Variants in KANSL1L observed in about 807,000 individuals in gnomAD.
The protein encoded by KANSL1L is KAT8 regulatory NSL complex subunit 1-like protein.
A neutral mutation model predicts 108.6 loss-of-function variants in KANSL1L; 25 were observed. The observed-to-expected ratio is 0.23, with a 90% CI of 0.17 to 0.32. The LOEUF is 0.32. Ranked by LOEUF, KANSL1L falls within the 10% of genes least tolerant of loss-of-function variation. The probability of loss-of-function intolerance (pLI) is 1.00; values close to 1 mark genes in which losing one functional copy is unlikely to be tolerated. For synonymous variants in KANSL1L, 405 were observed against 395.1 expected (o/e 1.03, Z -0.30); for missense variants, 1,137 against 1,125.7 (o/e 1.01, Z -0.14).
rs376863654 is a variant in KANSL1L at position 210,151,910 on chromosome 2, T to C, written c.1088+1585A>G. The C allele has an allele frequency of 1.5e-4, 23 of 152,364 alleles. No individual in the cohort carries two copies. In the East Asian group the frequency reaches 1.7e-3, roughly 11 times the overall value. The allele number at this position is 152,364 out of a possible 1,614,324, so 9.4% of individuals were successfully genotyped here. A position where few individuals can be genotyped will look rare whatever the true frequency, so the allele number is the denominator to read the frequency against. ...ACTAATATACTGATCTTCTATTTCA[T>C]AGTAAATATCAATGTGTTTGGCTTC... On this transcript the variant is annotated intron_variant, in intron 2 of 14. Transcript: ENST00000281772.
chr2:210,148,946 A>G (rs2095283860), intron 2 of KANSL1L, among the ~76,000 whole-genome samples: 1 of 152,116 alleles, frequency 6.6e-6, no homozygotes, highest in Admixed American at 6.6e-5. Context: ...TTACTTATCA[A>G]CTTTAAAAAT....
At chr2:210,032,577 C>G (rs1405154961) in intron 8 of KANSL1L, 1 of 152,224 alleles carries the variant, frequency 6.6e-6, no homozygotes, top group Non-Finnish European at 1.5e-5. Flanking sequence ...CTCAGTCAGA[C>G]TAACAGAATC....
intron 5 of KANSL1L, among the ~76,000 whole-genome samples, chr2:210,084,248 C>T (rs947687194): frequency 2.6e-5 from 4 of 152,038 alleles, no homozygotes; most frequent in Non-Finnish European, 5.9e-5. Flanking sequence ...ATGGTGAAAC[C>T]CCGTCTCTAC....
intron 4 of KANSL1L, among the ~76,000 whole-genome samples, chr2:210,100,531 AT>A (rs2094783527): frequency 6.6e-6 from 1 of 152,222 alleles, no homozygotes; most frequent in Non-Finnish European, 1.5e-5. Flanking sequence ...AAGCCAAAAG[AT>A]TATGAGTGAA....
chr2:210,162,102 T>C (rs2095364543), intron 1 of KANSL1L, among the ~76,000 whole-genome samples: 2 of 148,036 alleles, frequency 1.4e-5, no homozygotes. Context: ...CACACACACA[T>C]ATATTTTTAT....
At chr2:210,026,511 A>T (rs1051891187) in intron 12 of KANSL1L, 1 of 152,242 alleles carries the variant, frequency 6.6e-6, no homozygotes, top group Admixed American at 6.5e-5. Flanking sequence ...TTCACTACAG[A>T]AACATTAATG....
chr2:210,129,489 A>G (rs1205483555), intron 2 of KANSL1L, among the ~76,000 whole-genome samples: 1 of 152,194 alleles, frequency 6.6e-6, no homozygotes, highest in Admixed American at 6.5e-5. Context: ...AACATGAATG[A>G]CAATGCAAAC....
Position 210,043,936 on chromosome 2 carries a change from T to A in KANSL1L, c.1921+3A>T. On this transcript the variant is annotated splice_donor_region_variant and intron_variant, in intron 7 of 14. Coordinates refer to ENST00000281772, the MANE Select transcript of KANSL1L (RefSeq NM_152519.4). Reference sequence around the variant, plus strand: ...ACTTAGAAATTGTTACAAGGAGGCTTACCTGATGGCAATGATAGAACAGAA... The same window carrying A: ...ACTTAGAAATTGTTACAAGGAGGCTAACCTGATGGCAATGATAGAACAGAA... 6.3e-7 allele frequency: 1 copy of A among 1,575,888 alleles called. No homozygotes were observed. The highest frequency in any genetic ancestry group is 8.6e-7 in the Non-Finnish European group (1 of 1,159,960).
intron 2 of KANSL1L, among the ~76,000 whole-genome samples, chr2:210,147,957 T>C (rs2095277100): frequency 6.6e-6 from 1 of 152,196 alleles, no homozygotes; most frequent in Admixed American, 6.5e-5. Context: ...TTAATTATTT[T>C]CTATTTTTTA....
At chr2:210,124,777 A>T (rs1019606461) in intron 3 of KANSL1L, among the ~76,000 whole-genome samples, 31 of 152,256 alleles carry the variant, frequency 2.0e-4, no homozygotes, top group Admixed American at 1.3e-3. Context: ...AAAACAAAGA[A>T]AAAAGACTCA....
chr2:210,092,405 G>C (rs7591928), intron 5 of KANSL1L, among the ~76,000 whole-genome samples: 1,633 of 152,114 alleles, frequency 0.011, 24 homozygotes, highest in African/African-American at 0.035. Context: ...CTTCTTCTAT[G>C]TCACACATTC....
In KANSL1L at chr2:210,044,543, A is replaced by G. The variant is rs1247792688; in HGVS notation, c.1756-439T>C. 6.6e-6 allele frequency among the ~76,000 whole-genome samples: 1 copy of G among 151,974 alleles called. No homozygotes were observed. The highest frequency in any genetic ancestry group is 1.9e-4 in the East Asian group (1 of 5,180). ...TGTTTTGTTCCTGATTGTAATGGGA[A>G]TGCTTTTAATTTATCACAATAAGAA... is the stretch of plus-strand genomic sequence containing the variant. On this transcript the variant is annotated intron_variant, in intron 6 of 14. Coordinates refer to ENST00000281772, the MANE Select transcript of KANSL1L (RefSeq NM_152519.4). The surrounding 1 kb of genome is among the most constrained non-coding windows in gnomAD (Gnocchi z 4.2).
At chr2:210,131,904 C>T (rs1420006510) in intron 2 of KANSL1L, among the ~76,000 whole-genome samples, 1 of 151,922 alleles carries the variant, frequency 6.6e-6, no homozygotes, top group Non-Finnish European at 1.5e-5. Flanking sequence ...ACTACGTTGG[C>T]TAAGCTGGGC....
chr2:210,127,443 G>C (rs1173133577), intron 3 of KANSL1L, among the ~76,000 whole-genome samples: 2 of 152,054 alleles, frequency 1.3e-5, no homozygotes, highest in Non-Finnish European at 2.9e-5. Flanking sequence ...GTAGACAAAT[G>C]GGACTTCAGA....
rs2095298474 is a variant in KANSL1L, at chr2:210,150,890, A to G, written c.1088+2605T>C. Among the ~76,000 whole-genome samples the G allele has an allele frequency of 2.0e-5, 3 of 152,338 alleles. No individual in the cohort carries two copies. The South Asian group carries it at 6.2e-4, about 32-fold the overall frequency. ...TTGGTTGGTTAAGACTAACAGATAT[A>G]TTAGCCAACTGCATAGGACAAAACA... On this transcript the variant is annotated intron_variant, in intron 2 of 14. Coordinates refer to ENST00000281772, the MANE Select transcript of KANSL1L (RefSeq NM_152519.4).
chr2:210,048,845 G>A (rs578125975), intron 6 of KANSL1L, among the ~76,000 whole-genome samples: 17 of 152,196 alleles, frequency 1.1e-4, no homozygotes, highest in African/African-American at 3.6e-4. Flanking sequence ...GTCTGAGCCA[G>A]CCATCTAGAA....
chr2:210,101,195 C>G (rs568412141), intron 4 of KANSL1L, among the ~76,000 whole-genome samples: 1 of 152,132 alleles, frequency 6.6e-6, no homozygotes, highest in African/African-American at 2.4e-5. Context: ...TACCCAGGAC[C>G]AGCTTCATGG....
intron 1 of KANSL1L, among the ~76,000 whole-genome samples, chr2:210,158,938 T>C (rs1314720141): frequency 6.6e-6 from 1 of 152,204 alleles, no homozygotes; most frequent in African/African-American, 2.4e-5. Context: ...GACCTCCATA[T>C]TATATAAACA....
intron 3 of KANSL1L, among the ~76,000 whole-genome samples, chr2:210,114,016 T>C (rs1559568120): frequency 6.6e-6 from 1 of 152,106 alleles, no homozygotes; most frequent in Non-Finnish European, 1.5e-5. Flanking sequence ...GAGAGAATAT[T>C]TGAAGAAATA....
Sources: allele counts gnomAD v4.1 joint callset (sites outside exome capture counted in the v4.1 genomes callset), GRCh38; gene constraint gnomAD v4.1.1; non-coding constraint Gnocchi (gnomAD v3.1); transcripts MANE v1.5; gene names NCBI Gene and HGNC (gene_info 2026-07-23, HGNC 2026-07-21).